Variants in UTRN observed in about 807,000 individuals in gnomAD.
UTRN encodes utrophin.
Under a neutral mutation model 463.9 loss-of-function variants are expected in UTRN, and 283 were observed. The ratio of observed to expected loss-of-function variants is 0.61; its 90% CI spans 0.55 to 0.67. The LOEUF (loss-of-function observed/expected upper bound fraction) is 0.67. Ranked by LOEUF, UTRN falls within the 30% of genes least tolerant of loss-of-function variation. The pLI, the probability that UTRN is intolerant of heterozygous loss-of-function variation, is 0.00. For synonymous variants in UTRN, 1,442 were observed against 1,431.5 expected (o/e 1.01, Z -0.17); for missense variants, 3,922 against 4,084.3 (o/e 0.96, Z 1.08).
chr6:144,821,261 C>G (rs995002389), intron 66 of UTRN, among the ~76,000 whole-genome samples: 1 of 152,112 alleles, frequency 6.6e-6, no homozygotes, highest in Non-Finnish European at 1.5e-5. Context: ...AATATGTCAA[C>G]CTTAATACAC....
chr6:144,548,838 C>T lies in UTRN; in HGVS notation c.6794C>T (p.Thr2265Ile). The stretch of plus-strand genomic sequence containing the variant: ...GGGGATGTAGAAGAGATCAATAAGA[C>T]CGTTTCCCGAATGAAAGTAGGTGCA... ...TVGDVEEINK[T>I]VSRMKITKAD... Residue 2265 changes from threonine (T) to isoleucine (I), a missense_variant, in exon 47 of 75, where the codon ACC (threonine) becomes ATC (isoleucine). Coordinates refer to ENST00000367545, the MANE Select transcript of UTRN (RefSeq NM_007124.3). 1 of 1,613,836 alleles carries T rather than the reference C, an allele frequency of 6.2e-7. No individual in the cohort carries two copies. The highest frequency in any genetic ancestry group is 8.5e-7 in the Non-Finnish European group (1 of 1,179,882).
chr6:144,401,827 C>A (rs1313530676), intron 2 of UTRN, among the ~76,000 whole-genome samples: 1 of 152,082 alleles, frequency 6.6e-6, no homozygotes, highest in East Asian at 1.9e-4. Flanking sequence ...GTGAGCAGGT[C>A]TGTATTTAAT....
intron 15 of UTRN, 98 bp downstream of exon 15, chr6:144,447,416 CT>C: frequency 7.4e-7 from 1 of 1,345,914 alleles, no homozygotes; most frequent in South Asian, 1.3e-5. Flanking sequence ...CAGATTACAG[CT>C]CATTACCTAG....
chr6:144,481,447 T>C (rs553407172), intron 26 of UTRN, among the ~76,000 whole-genome samples: 1 of 152,356 alleles, frequency 6.6e-6, no homozygotes, highest in South Asian at 2.1e-4. Context: ...AGCAGAAGGA[T>C]ACATGTGCCT....
Position 144,542,970 on chromosome 6 carries a change from G to C in UTRN, c.6595+100G>C. The C allele has an allele frequency of 4.0e-6, 4 of 992,806 alleles. No homozygotes were observed. The South Asian group carries it at 6.5e-5, about 16-fold the overall frequency. The allele number at this position is 992,806 out of a possible 1,614,324, so 61.5% of individuals were successfully genotyped here. A position where few individuals can be genotyped will look rare whatever the true frequency, so the allele number is the denominator to read the frequency against. On this transcript the variant is annotated intron_variant, in intron 46 of 74. Coordinates refer to ENST00000367545, the MANE Select transcript of UTRN (RefSeq NM_007124.3). ...TGAATTAGAAAGACTTAGAAACGTC[G>C]TGCCATTTTCTTTATTTAATCTACT...
At chr6:144,527,626 C>G (rs1796678097) in intron 41 of UTRN, among the ~76,000 whole-genome samples, 1 of 152,198 alleles carries the variant, frequency 6.6e-6, no homozygotes, top group South Asian at 2.1e-4. Flanking sequence ...CTTGGGAACA[C>G]AAATTATTCT....
At chr6:144,721,774 AT>A (rs1226229477) in intron 53 of UTRN, among the ~76,000 whole-genome samples, 1 of 152,182 alleles carries the variant, frequency 6.6e-6, no homozygotes, top group Non-Finnish European at 1.5e-5. Context: ...TAAACATGAA[AT>A]TCATTTGTTT....
chr6:144,732,713 GTTAT>G (rs1788871398), intron 54 of UTRN, among the ~76,000 whole-genome samples: 2 of 149,444 alleles, frequency 1.3e-5, no homozygotes. Flanking sequence ...GTTATGTTAT[GTTAT>G]GTTATGTTAT....
intron 68 of UTRN, 75 bp downstream of exon 68, chr6:144,827,751 T>G: frequency 6.8e-7 from 1 of 1,469,056 alleles, no homozygotes; most frequent in South Asian, 1.2e-5. Context: ...TCTAATATCA[T>G]TAATATACCT....
At chr6:144,303,770 A>C (rs1805493798) in intron 2 of UTRN, among the ~76,000 whole-genome samples, 1 of 152,230 alleles carries the variant, frequency 6.6e-6, no homozygotes, top group Admixed American at 6.5e-5. Flanking sequence ...TCTCATCTTA[A>C]ATGAAGGTAA....
intron 51 of UTRN, among the ~76,000 whole-genome samples, chr6:144,652,142 A>G (rs1468460423): frequency 6.6e-6 from 1 of 152,230 alleles, no homozygotes; most frequent in African/African-American, 2.4e-5. Flanking sequence ...TGAGATGACA[A>G]GACATTGCAA....
At chr6:144,434,059 C>T (rs1389100534) in intron 9 of UTRN, among the ~76,000 whole-genome samples, 4 of 152,360 alleles carry the variant, frequency 2.6e-5, no homozygotes, top group East Asian at 1.9e-4. Flanking sequence ...CACCATTGAG[C>T]GCTGAGTGAA....
chr6:144,784,983 A>G (rs972185871), intron 61 of UTRN, among the ~76,000 whole-genome samples: 1 of 152,230 alleles, frequency 6.6e-6, no homozygotes, highest in Non-Finnish European at 1.5e-5. Context: ...TATGGAAAAA[A>G]CAGTTATTCT....
Position 144,846,523 on chromosome 6 carries a change from AT to A in UTRN, c.10271-276del, listed in dbSNP as rs796232222. Among the ~76,000 whole-genome samples the A allele has an allele frequency of 7.6e-4, 115 of 152,208 alleles. 1 individual carries two copies. Among genetic ancestry groups the A allele is most frequent in the African/African-American group, 2.7e-3 (111 of 41,538 alleles). ...CAGTATGATTTAAATAGGAAATGAG[AT>A]TTTTTGCAAGACTAAGTGCTCAGTG... On this transcript the variant is annotated intron_variant, in intron 73 of 74. Coordinates refer to ENST00000367545, the MANE Select transcript of UTRN (RefSeq NM_007124.3).
At chr6:144,848,385 G>C (rs1782203087) in intron 74 of UTRN, among the ~76,000 whole-genome samples, 1 of 152,092 alleles carries the variant, frequency 6.6e-6, no homozygotes, top group Admixed American at 6.5e-5. Flanking sequence ...AGTTGAAGTT[G>C]GGGTTTGACA....
At chr6:144,402,999 G>A in intron 2 of UTRN, 124 bp from the exon 3 acceptor site, 1 of 815,708 alleles carries the variant, frequency 1.2e-6, no homozygotes, top group South Asian at 1.5e-5. Context: ...GCCTCATTGT[G>A]CTCAAGGAGC....
Position 144,292,022 on chromosome 6 carries a change from A to G in UTRN, c.79+115A>G, listed in dbSNP as rs1022497795. On this transcript the variant is annotated intron_variant, in intron 2 of 74. Coordinates refer to ENST00000367545, the MANE Select transcript of UTRN (RefSeq NM_007124.3). ...ACTTCTTGGAGGTGAAGTTCTTTTAAGAAACTGAATTCTGACAAATGACTA... is the reference window on the plus strand; with the variant it reads ...ACTTCTTGGAGGTGAAGTTCTTTTAGGAAACTGAATTCTGACAAATGACTA... 5 of 1,000,562 alleles carry G rather than the reference A, an allele frequency of 5.0e-6. No homozygotes were observed. The African/African-American group carries it at 8.4e-5, about 17-fold the overall frequency. The allele number at this position is 1,000,562 out of a possible 1,614,324, so 62.0% of individuals were successfully genotyped here.
chr6:144,688,092 C>A (rs1373888217), intron 52 of UTRN, among the ~76,000 whole-genome samples: 2 of 152,066 alleles, frequency 1.3e-5, no homozygotes, highest in African/African-American at 2.4e-5. Flanking sequence ...AATTTGAAAG[C>A]CTTGTCTTTT....
At chr6:144,393,307 G>A (rs1256922661) in intron 2 of UTRN, among the ~76,000 whole-genome samples, 2 of 152,030 alleles carry the variant, frequency 1.3e-5, no homozygotes, top group East Asian at 1.9e-4. Flanking sequence ...TCTTTTTCAC[G>A]ATTTAAATTT....
Sources: gnomAD v4.1 joint callset for allele counts (sites outside exome capture counted in the v4.1 genomes callset) on GRCh38, gnomAD v4.1.1 for gene constraint, MANE v1.5 for transcripts, NCBI Gene and HGNC (gene_info 2026-07-23, HGNC 2026-07-21) for gene names.